CCDC83: variants seen among roughly 807,000 people sequenced by gnomAD.
The protein encoded by CCDC83 is coiled-coil domain-containing protein 83.
In CCDC83, 54 loss-of-function variants were observed where a neutral mutation model predicts 50.1. The observed-to-expected ratio is 1.08, with a 90% CI of 0.87 to 1.35. CCDC83 has a LOEUF of 1.35. CCDC83 is among the 40% of genes most tolerant of loss of function. The pLI is 0.00. For synonymous variants in CCDC83, 161 were observed against 153.3 expected, an observed-to-expected ratio of 1.05 and a Z score of -0.37; for missense variants, 518 against 473.9, an observed-to-expected ratio of 1.09 and a Z score of -0.86.
At chr11:85,885,051 C>A (rs1045721556) in intron 4 of CCDC83, among the ~76,000 whole-genome samples, 24 of 152,042 alleles carry the variant, frequency 1.6e-4, no homozygotes, top group Admixed American at 5.2e-4. Context: ...CCTGTCTCTA[C>A]TAAAAATACA....
At chr11:85,863,231 G>T (rs1216546712) in intron 1 of CCDC83, among the ~76,000 whole-genome samples, 1 of 152,168 alleles carries the variant, frequency 6.6e-6, no homozygotes, top group Non-Finnish European at 1.5e-5. Flanking sequence ...TGAAACATTT[G>T]TTAGTATGCT....
chr11:85,915,396 G>T, intron 8 of CCDC83, 23 bp from the exon 9 acceptor site: 1 of 1,556,816 alleles, frequency 6.4e-7, no homozygotes, highest in Non-Finnish European at 8.8e-7. Context: ...CTGACAGATT[G>T]TTTTTCTCAT....
chr11:85,872,905 A>G lies in CCDC83; in HGVS notation c.96-306A>G, dbSNP rs141900151. On this transcript the variant is annotated intron_variant, in intron 2 of 10. Coordinates refer to ENST00000342404, the MANE Select transcript of CCDC83 (RefSeq NM_001286159.2). ...GAATTCTAGAAAGCATGTTTTCTGT[A>G]TGCCCACTCCTAGTTTTCCTTTAGG... Among the ~76,000 whole-genome samples, 340 of 152,252 alleles carry G rather than the reference A, an allele frequency of 2.2e-3. 4 individuals carry two copies. Among genetic ancestry groups the G allele is most frequent in the African/African-American group, 7.8e-3 (324 of 41,570 alleles).
In CCDC83 at chr11:85,916,200, G is replaced by A. The variant is rs3213935; in HGVS notation, c.1047G>A (p.Lys349=). 9.9e-6 allele frequency: 16 copies of A among 1,612,304 alleles called. No individual in the cohort carries two copies. In the East Asian group the frequency reaches 3.3e-4, roughly 34 times the overall value. Residue 349 remains lysine (K), a synonymous_variant, in exon 10 of 11, where the codon AAG becomes AAA. Transcript: ENST00000342404. ...SGTEFGDTDM[K]YLLYEDEKDF... is the part of the protein sequence containing the mutation. ...CAGAGTTTGGGGACACTGATATGAA[G>A]TACTTACTATATGAGGATGAGAAGG...
At chr11:85,881,448 G>A (rs534384688) in intron 3 of CCDC83, among the ~76,000 whole-genome samples, 31 of 152,058 alleles carry the variant, frequency 2.0e-4, no homozygotes, top group African/African-American at 7.2e-4. Flanking sequence ...TTTGAAACTG[G>A]GTCTTTCTCT....
At chr11:85,861,377 A>C (rs2153681786) in intron 1 of CCDC83, among the ~76,000 whole-genome samples, 1 of 152,340 alleles carries the variant, frequency 6.6e-6, no homozygotes, top group East Asian at 1.9e-4. Context: ...ACTGCAGTTC[A>C]AAACCATGCA....
intron 8 of CCDC83, among the ~76,000 whole-genome samples, chr11:85,913,498 T>C (rs2093464193): frequency 6.6e-6 from 1 of 152,240 alleles, no homozygotes; most frequent in African/African-American, 2.4e-5. Context: ...ACACATATTA[T>C]ATCTTTTTGG....
intron 8 of CCDC83, among the ~76,000 whole-genome samples, chr11:85,911,667 A>T (rs943359892): frequency 9.8e-5 from 15 of 152,318 alleles, no homozygotes; most frequent in Admixed American, 1.3e-4. Context: ...AACTGCCAAC[A>T]TTCAGGAGCC....
In CCDC83 at chr11:85,916,194, T is replaced by C. The variant is rs763443423; in HGVS notation, c.1041T>C (p.Asp347=). Residue 347 remains aspartate, a synonymous_variant, in exon 10 of 11, where the codon GAT becomes GAC. Transcript: ENST00000342404. ...ENSGTEFGDT[D]MKYLLYEDEK... ...CAGGCACAGAGTTTGGGGACACTGATATGAAGTACTTACTATATGAGGATG... is the reference window on the plus strand; with the variant it reads ...CAGGCACAGAGTTTGGGGACACTGACATGAAGTACTTACTATATGAGGATG... The C allele has an allele frequency of 6.2e-7, 1 of 1,612,996 alleles. No homozygotes were observed.
rs775351687 is a variant in CCDC83 at position 85,919,454 on chromosome 11, G to A, written c.1186G>A (p.Asp396Asn). Residue 396 changes from aspartate to asparagine, a missense_variant, in exon 11 of 11, where the codon GAT becomes AAT. Physicochemically the swap from Asp to Asn is conservative, Grantham distance 23. Coordinates refer to ENST00000342404, the MANE Select transcript of CCDC83 (RefSeq NM_001286159.2). ...GGAAATTCCAGTCAAACTCTATAAA[G>A]ATGTCAGGAGCCCAGAAAGCCACAT... ...EKEIPVKLYK[D>N]VRSPESHITY... 1.9e-6 allele frequency: 3 copies of A among 1,612,630 alleles called. No individual in the cohort carries two copies. In the South Asian group the frequency reaches 3.3e-5, roughly 18 times the overall value.
At chr11:85,859,257 G>A (rs1404857491) in intron 1 of CCDC83, among the ~76,000 whole-genome samples, 1 of 148,478 alleles carries the variant, frequency 6.7e-6, no homozygotes, top group African/African-American at 2.5e-5. Flanking sequence ...AAATAAGTCA[G>A]AGATGAACAC....
chr11:85,866,516 T>G (rs2093207585), intron 2 of CCDC83, among the ~76,000 whole-genome samples: 1 of 151,984 alleles, frequency 6.6e-6, no homozygotes, highest in Non-Finnish European at 1.5e-5. Context: ...AAACTCATCT[T>G]TACAAAATAA....
intron 10 of CCDC83, among the ~76,000 whole-genome samples, chr11:85,917,014 G>A (rs2093480053): frequency 6.6e-6 from 1 of 151,718 alleles, no homozygotes; most frequent in African/African-American, 2.4e-5. Flanking sequence ...GACAGGCTGA[G>A]GCAGGAGAAT....
At chr11:85,869,373 T>C (rs1004851158) in intron 2 of CCDC83, among the ~76,000 whole-genome samples, 3 of 152,230 alleles carry the variant, frequency 2.0e-5, no homozygotes, top group South Asian at 2.1e-4. Context: ...TCCTTTATAC[T>C]TGTTGTCTCC....
At chr11:85,901,056 C>A (rs1424143258) in intron 7 of CCDC83, among the ~76,000 whole-genome samples, 1 of 139,158 alleles carries the variant, frequency 7.2e-6, no homozygotes, top group Non-Finnish European at 1.5e-5. Flanking sequence ...CAGAGCGAGA[C>A]CCTGTCTAAA....
chr11:85,907,225 T>A lies in CCDC83; in HGVS notation c.673-4056T>A, dbSNP rs771064117. ...AAGGCTACACAGCTGTTTTGTTACA[T>A]GATTATCTTTTTTTGTTGTTGTTTT... is the stretch of plus-strand genomic sequence containing the variant. On this transcript the variant is annotated intron_variant, in intron 7 of 10. Transcript: ENST00000342404. Among the ~76,000 whole-genome samples the A allele has an allele frequency of 4.6e-5, 7 of 152,350 alleles. No homozygotes were observed. In the South Asian group the frequency reaches 1.4e-3, roughly 32 times the overall value.
intron 2 of CCDC83, among the ~76,000 whole-genome samples, chr11:85,869,934 CG>C (rs1566071173): frequency 1.3e-5 from 2 of 152,204 alleles, no homozygotes; most frequent in African/African-American, 4.8e-5. Flanking sequence ...GCTCCACAAG[CG>C]GGCCAGTGAA....
chr11:85,875,808 T>C lies in CCDC83; in HGVS notation c.180+2513T>C, dbSNP rs564229289. ...CTTTCCTACACATCATCTCTTCCTA[T>C]GTATATTTAGTTCTGTTTGGATTAT... On this transcript the variant is annotated intron_variant, in intron 3 of 10. Transcript: ENST00000342404. 3.5e-4 allele frequency among the ~76,000 whole-genome samples: 54 copies of C among 152,312 alleles called. 1 individual carries two copies. The South Asian group carries it at 0.011, about 31-fold the overall frequency.
At chr11:85,890,274 T>C (rs7950710) in intron 5 of CCDC83, among the ~76,000 whole-genome samples, 11,223 of 152,220 alleles carry the variant, frequency 0.074, 852 homozygotes, top group African/African-American at 0.2. Flanking sequence ...TGCCCTGGGC[T>C]GGGCCTGCAC....
Sources: gnomAD v4.1 joint callset for allele counts (sites outside exome capture counted in the v4.1 genomes callset) on GRCh38, gnomAD v4.1.1 for gene constraint, MANE v1.5 for transcripts, NCBI Gene and HGNC (gene_info 2026-07-23, HGNC 2026-07-21) for gene names.